Variants in DACH1 observed in about 807,000 individuals in gnomAD.
DACH1 encodes dachshund family transcription factor 1.
DACH1 carries 12 observed loss-of-function variants against 54.2 expected under a neutral mutation model. The ratio of observed to expected loss-of-function variants is 0.22; its 90% CI spans 0.14 to 0.36. The LOEUF (loss-of-function observed/expected upper bound fraction) is 0.36. DACH1 is among the 10% of genes least tolerant of loss of function. DACH1 has a pLI of 1.00. For synonymous variants in DACH1, 386 were observed against 366.2 expected (o/e 1.05, Z -0.62); for missense variants, 805 against 929.8 (o/e 0.87, Z 1.75).
chr13:71,698,495 T>TTGATAAA, intron 1 of DACH1, among the ~76,000 whole-genome samples: 1 of 152,060 alleles, frequency 6.6e-6, no homozygotes, highest in Non-Finnish European at 1.5e-5. Context: ...CACTTTTATA[T>TTGATAAA]TGATAAATCT....
At chr13:71,693,353 A>AGT (rs1167219368) in intron 1 of DACH1, among the ~76,000 whole-genome samples, 1 of 123,524 alleles carries the variant, frequency 8.1e-6, no homozygotes, top group African/African-American at 3.3e-5. Flanking sequence ...CCCAGGCTGG[A>AGT]GTGCAGTGGT....
At chr13:71,487,452 C>A (rs896173623) in intron 7 of DACH1, among the ~76,000 whole-genome samples, 3 of 151,496 alleles carry the variant, frequency 2.0e-5, no homozygotes, top group African/African-American at 7.3e-5. Context: ...AATTATAGTT[C>A]GAGGTGATGT....
intron 1 of DACH1, among the ~76,000 whole-genome samples, chr13:71,757,972 TACATAA>T (rs1257433853): frequency 3.3e-5 from 5 of 152,160 alleles, no homozygotes; most frequent in Admixed American, 3.3e-4. Flanking sequence ...TTACAAAATA[TACATAA>T]ACATAATTAC....
At position 71,441,132 on chromosome 13, in the gene DACH1, A is replaced by C. The variant is rs186389049; in HGVS notation, c.2084-440T>G. ...CTTTAGCAGTGTTGTTAAATATACC[A>C]TGTAATGTAACTATTGTGCACATTC... On this transcript the variant is annotated intron_variant, in intron 10 of 10. Coordinates refer to ENST00000613252, the MANE Select transcript of DACH1 (RefSeq NM_080759.6). 7.6e-4 allele frequency among the ~76,000 whole-genome samples: 115 copies of C among 152,186 alleles called. 1 individual carries two copies. The highest frequency in any genetic ancestry group is 2.7e-3 in the African/African-American group (112 of 41,574).
intron 7 of DACH1, among the ~76,000 whole-genome samples, chr13:71,486,338 T>C (rs1163422158): frequency 1.2e-4 from 18 of 152,122 alleles, no homozygotes; most frequent in South Asian, 4.1e-4. Flanking sequence ...AACCCTATTA[T>C]ATATAATTGA....
rs1877039087 is a variant in DACH1, at chr13:71,630,772, A to T, written c.965-55T>A. 3.3e-6 allele frequency: 5 copies of T among 1,500,638 alleles called. No individual in the cohort carries two copies. In the South Asian group the frequency reaches 5.5e-5, roughly 16 times the overall value. The allele number at this position is 1,500,638 out of a possible 1,614,324, so 93.0% of individuals were successfully genotyped here. A position where few individuals can be genotyped will look rare whatever the true frequency, so the allele number is the denominator to read the frequency against. On this transcript the variant is annotated intron_variant, in intron 2 of 10. Transcript: ENST00000613252. ...TTCAAATTCTGATTTTTCATTTAAT[A>T]GTTCCTGTACTTGCTATAACCAACA...
chr13:71,573,497 G>T, intron 3 of DACH1: 1 of 711,048 alleles, frequency 1.4e-6, no homozygotes, highest in Non-Finnish European at 2.6e-6. Flanking sequence ...GCATGCGGGG[G>T]TGGGTTATAG....
intron 6 of DACH1, among the ~76,000 whole-genome samples, chr13:71,492,444 G>A (rs189756403): frequency 6.6e-6 from 1 of 152,196 alleles, no homozygotes; most frequent in Non-Finnish European, 1.5e-5. Flanking sequence ...CTAGGCAGAT[G>A]TTAGAATGTT....
intron 2 of DACH1, among the ~76,000 whole-genome samples, chr13:71,639,790 G>A (rs984570856): frequency 6.6e-6 from 1 of 151,894 alleles, no homozygotes; most frequent in African/African-American, 2.4e-5. Flanking sequence ...AGGCTGAAAC[G>A]TAATCAATAA....
chr13:71,817,529 C>T (rs1235742093), intron 1 of DACH1, among the ~76,000 whole-genome samples: 2 of 152,186 alleles, frequency 1.3e-5, no homozygotes, highest in Non-Finnish European at 2.9e-5. Flanking sequence ...AACAATGTCG[C>T]AACAGCTAGT....
Position 71,832,088 on chromosome 13 carries a change from C to T in DACH1, c.848+33834G>A, listed in dbSNP as rs146371184. Among the ~76,000 whole-genome samples the T allele has an allele frequency of 4.9e-3, 745 of 151,964 alleles. 10 individuals are homozygous for T. Among genetic ancestry groups the T allele is most frequent in the African/African-American group, 0.017 (702 of 41,490 alleles). On this transcript the variant is annotated intron_variant, in intron 1 of 10. Transcript: ENST00000613252. ...TCTCAGGCTAGGTATTGTCTTTGAA[C>T]GCATTTCTTGTGTTATTTCTATTGA...
At chr13:71,483,362 TATTATA>T (rs1242286092) in intron 7 of DACH1, among the ~76,000 whole-genome samples, 2 of 147,282 alleles carry the variant, frequency 1.4e-5, no homozygotes, top group African/African-American at 4.9e-5. Flanking sequence ...TATAATTATA[TATTATA>T]ATTAAATTAT....
At chr13:71,637,864 A>C (rs1414546490) in intron 2 of DACH1, among the ~76,000 whole-genome samples, 2 of 152,178 alleles carry the variant, frequency 1.3e-5, no homozygotes, top group African/African-American at 2.4e-5. Context: ...GATATCAATA[A>C]AAGAGACATA....
At chr13:71,740,278 T>C (rs980054150) in intron 1 of DACH1, among the ~76,000 whole-genome samples, 2 of 152,086 alleles carry the variant, frequency 1.3e-5, no homozygotes, top group South Asian at 2.1e-4. Flanking sequence ...TACTTCACTC[T>C]TTACAAGTCA....
intron 1 of DACH1, among the ~76,000 whole-genome samples, chr13:71,770,227 T>C (rs1205215437): frequency 6.6e-6 from 1 of 151,750 alleles, no homozygotes; most frequent in African/African-American, 2.4e-5. Context: ...ACGTTTTCTC[T>C]ACCAGAGTCT....
intron 1 of DACH1, among the ~76,000 whole-genome samples, chr13:71,841,178 C>T (rs1400209923): frequency 6.6e-6 from 1 of 152,112 alleles, no homozygotes; most frequent in Non-Finnish European, 1.5e-5. Context: ...TCTAAACCTG[C>T]CTTTCATCTG....
chr13:71,731,290 C>CTTT (rs1201969481), intron 1 of DACH1, among the ~76,000 whole-genome samples: 56 of 131,052 alleles, frequency 4.3e-4, no homozygotes, highest in South Asian at 1.2e-3. Context: ...TCTTGATCTT[C>CTTT]TTTTTTTTTT....
chr13:71,779,158 CG>C, intron 1 of DACH1, among the ~76,000 whole-genome samples: 1 of 78,174 alleles, frequency 1.3e-5, no homozygotes, highest in South Asian at 2.9e-4. Context: ...CACATATATA[CG>C]TATATACGTA....
intron 1 of DACH1, among the ~76,000 whole-genome samples, chr13:71,829,598 A>G (rs1181255277): frequency 6.6e-6 from 1 of 151,964 alleles, no homozygotes; most frequent in Non-Finnish European, 1.5e-5. Flanking sequence ...ATCTCCAAGC[A>G]TTCTCTTCCT....
Sources: gnomAD v4.1 joint callset for allele counts (sites outside exome capture counted in the v4.1 genomes callset) on GRCh38, gnomAD v4.1.1 for gene constraint, MANE v1.5 for transcripts, NCBI Gene and HGNC (gene_info 2026-07-23, HGNC 2026-07-21) for gene names.